Variants in HTR2C observed in about 807,000 individuals in gnomAD.
The protein encoded by HTR2C is 5-hydroxytryptamine (serotonin) receptor 2C, G protein-coupled.
In HTR2C, 5 loss-of-function variants were observed where a neutral mutation model predicts 21.0. The observed-to-expected ratio is 0.24, with a 90% confidence interval of 0.12 to 0.50. The LOEUF (loss-of-function observed/expected upper bound fraction) is 0.50, where lower values mean the gene tolerates loss of function less well. Ranked by LOEUF, HTR2C falls within the 20% of genes least tolerant of loss-of-function variation. The probability of loss-of-function intolerance (pLI) is 0.98; values close to 1 mark genes in which losing one functional copy is unlikely to be tolerated. For missense variants in HTR2C, 271 were observed against 371.2 expected, an observed-to-expected ratio of 0.73 and a Z score of 2.22; for synonymous variants, 150 against 145.3, an observed-to-expected ratio of 1.03 and a Z score of -0.23.
chrX:114,834,934 G>A (rs1356297790), intron 4 of HTR2C, among the ~76,000 whole-genome samples: 1 of 106,724 alleles, frequency 9.4e-6, no homozygotes, highest in African/African-American at 3.4e-5. Flanking sequence ...TTGCTTGTCT[G>A]TAAAGTATTT....
chrX:114,644,338 C>T (rs1930253564), intron 2 of HTR2C, among the ~76,000 whole-genome samples: 1 of 72,814 alleles, frequency 1.4e-5, no homozygotes, highest in Admixed American at 1.8e-4. Flanking sequence ...AAGGGAGACT[C>T]CATCTAAAAT....
At chrX:114,613,909 GA>G (rs782590673) in intron 2 of HTR2C, 28 bp downstream of exon 2, 32 of 111,737 alleles carry the variant, frequency 2.9e-4, no homozygotes, top group African/African-American at 9.1e-4. Flanking sequence ...CGTGCCTCAA[GA>G]CTCTTATTTT....
At chrX:114,702,131 ACT>A (rs1284756201) in intron 2 of HTR2C, among the ~76,000 whole-genome samples, 23 of 111,497 alleles carry the variant, frequency 2.1e-4, no homozygotes, top group Non-Finnish European at 2.5e-4. Context: ...GTTGGAAAAC[ACT>A]CTGCAGGATA....
intron 2 of HTR2C, among the ~76,000 whole-genome samples, chrX:114,726,044 C>T (rs1277340375): frequency 2.7e-5 from 3 of 111,942 alleles, no homozygotes; most frequent in African/African-American, 6.5e-5. Context: ...GGGTTCCACC[C>T]AGTTCGAGCT....
intron 4 of HTR2C, among the ~76,000 whole-genome samples, chrX:114,743,814 C>A (rs1300297824): frequency 1.8e-5 from 2 of 112,109 alleles, no homozygotes; most frequent in Non-Finnish European, 3.8e-5. Context: ...TGCCCAGACA[C>A]ATTATAATCA....
At chrX:114,606,172 G>A (rs2147799348) in intron 1 of HTR2C, among the ~76,000 whole-genome samples, 1 of 111,074 alleles carries the variant, frequency 9.0e-6, no homozygotes, top group East Asian at 2.9e-4. Context: ...GCCACTAAGG[G>A]TGAAGGAGAA....
At chrX:114,799,454 C>T (rs1189931944) in intron 4 of HTR2C, among the ~76,000 whole-genome samples, 1 of 107,634 alleles carries the variant, frequency 9.3e-6, no homozygotes. Context: ...AAAGGTCACT[C>T]GAAATCCCTC....
At chrX:114,758,845 A>C (rs958239115) in intron 4 of HTR2C, among the ~76,000 whole-genome samples, 1 of 111,700 alleles carries the variant, frequency 9.0e-6, no homozygotes, top group Non-Finnish European at 1.9e-5. Context: ...ACAATGTGCA[A>C]AATAATTATT....
At chrX:114,730,967 A>T (rs1556423101) in intron 3 of HTR2C, among the ~76,000 whole-genome samples, 1 of 111,439 alleles carries the variant, frequency 9.0e-6, no homozygotes, top group Non-Finnish European at 1.9e-5. Flanking sequence ...TCTGAACTTT[A>T]CTCAGTCTTC....
At chrX:114,723,625 T>G (rs1933317301) in intron 2 of HTR2C, among the ~76,000 whole-genome samples, 1 of 109,320 alleles carries the variant, frequency 9.1e-6, no homozygotes, top group African/African-American at 3.3e-5. Flanking sequence ...CAATTTTGGA[T>G]CTTTCCTGCT....
At chrX:114,841,331 A>G (rs1016726693) in intron 4 of HTR2C, among the ~76,000 whole-genome samples, 2 of 112,272 alleles carry the variant, frequency 1.8e-5, no homozygotes, top group African/African-American at 6.5e-5. Flanking sequence ...TAGATTCTAG[A>G]TGCCAATGTC....
intron 5 of HTR2C, among the ~76,000 whole-genome samples, chrX:114,850,312 G>A (rs1388143402): frequency 1.8e-5 from 2 of 110,490 alleles, no homozygotes; most frequent in African/African-American, 6.6e-5. Context: ...GGGAGGCTGT[G>A]GTGGGAGGAT....
chrX:114,734,177 C>T (rs1556423950), intron 4 of HTR2C, among the ~76,000 whole-genome samples: 1 of 110,175 alleles, frequency 9.1e-6, no homozygotes, highest in Non-Finnish European at 1.9e-5. Context: ...TCATATGAAG[C>T]TTAATAAGGA....
chrX:114,756,299 A>G (rs1235030111), intron 4 of HTR2C, among the ~76,000 whole-genome samples: 1 of 111,919 alleles, frequency 8.9e-6, no homozygotes, highest in East Asian at 2.8e-4. Context: ...AGTTTATTAC[A>G]AACCTAAACA....
At chrX:114,806,750 AC>A (rs1556450076) in intron 4 of HTR2C, among the ~76,000 whole-genome samples, 136 of 6,422 alleles carry the variant, frequency 0.021, no homozygotes, top group African/African-American at 0.05. Flanking sequence ...CCATATATAT[AC>A]ACCATATATA....
intron 4 of HTR2C, among the ~76,000 whole-genome samples, chrX:114,740,485 G>A (rs1439315976): frequency 9.1e-6 from 1 of 110,311 alleles, no homozygotes; most frequent in African/African-American, 3.4e-5. Context: ...GATGATAAAC[G>A]TGTGTTAATA....
chrX:114,700,510 A>G (rs1932431287), intron 2 of HTR2C, among the ~76,000 whole-genome samples: 2 of 112,371 alleles, frequency 1.8e-5, no homozygotes, highest in Admixed American at 1.9e-4. Flanking sequence ...ACTTAAAAGT[A>G]AAAATGACCC....
intron 4 of HTR2C, among the ~76,000 whole-genome samples, chrX:114,765,426 C>G (rs2069938003): frequency 9.0e-6 from 1 of 110,912 alleles, no homozygotes; most frequent in Non-Finnish European, 1.9e-5. Flanking sequence ...AAGTATTTTT[C>G]CCACTTTACA....
chrX:114,612,350 T>TAAA (rs1928776148), intron 1 of HTR2C, among the ~76,000 whole-genome samples: 2 of 111,948 alleles, frequency 1.8e-5, no homozygotes, highest in African/African-American at 6.5e-5. Context: ...AAATAATCCC[T>TAAA]GCATTTAAAA....
Sources: gnomAD v4.1 joint callset for allele counts (sites outside exome capture counted in the v4.1 genomes callset) on GRCh38, gnomAD v4.1.1 for gene constraint, MANE v1.5 for transcripts, NCBI Gene and HGNC (gene_info 2026-07-23, HGNC 2026-07-21) for gene names.